Variants in CFAP61 observed in about 807,000 individuals in gnomAD.
The protein encoded by CFAP61 is cilia- and flagella-associated protein 61.
A neutral mutation model predicts 135.6 loss-of-function variants in CFAP61; 107 were observed. The observed-to-expected ratio is 0.79, with a 90% CI of 0.67 to 0.93. The LOEUF (loss-of-function observed/expected upper bound fraction) is 0.93. Ranked by LOEUF, CFAP61 falls within the 40% of genes least tolerant of loss-of-function variation. The probability of loss-of-function intolerance (pLI) is 0.00; values close to 1 mark genes in which losing one functional copy is unlikely to be tolerated. For synonymous variants in CFAP61, 575 were observed against 578.5 expected, an observed-to-expected ratio of 0.99 and a Z score of 0.09; for missense variants, 1,507 against 1,556.2, an observed-to-expected ratio of 0.97 and a Z score of 0.53.
At chr20:20,139,793 T>C (rs1488020230) in intron 8 of CFAP61, among the ~76,000 whole-genome samples, 1 of 152,182 alleles carries the variant, frequency 6.6e-6, no homozygotes, top group African/African-American at 2.4e-5. Flanking sequence ...ATTAGACCAT[T>C]GACAGTTAAG....
intron 13 of CFAP61, among the ~76,000 whole-genome samples, chr20:20,186,668 T>G (rs2055524719): frequency 6.6e-6 from 1 of 152,220 alleles, no homozygotes; most frequent in Non-Finnish European, 1.5e-5. Flanking sequence ...AAGATGGTAT[T>G]AATTGTTCAT....
At chr20:20,198,106 G>A (rs1037700350) in intron 16 of CFAP61, among the ~76,000 whole-genome samples, 2 of 152,208 alleles carry the variant, frequency 1.3e-5, no homozygotes, top group African/African-American at 4.8e-5. Context: ...TGAGTGAGAT[G>A]TAGACTCTGC....
chr20:20,316,446 C>A (rs1443874786), intron 25 of CFAP61, among the ~76,000 whole-genome samples: 2 of 151,940 alleles, frequency 1.3e-5, no homozygotes, highest in Admixed American at 6.6e-5. Flanking sequence ...TGGGCTGAGA[C>A]AATGGGGTTT....
At chr20:20,257,396 C>T (rs1325115471) in intron 20 of CFAP61, among the ~76,000 whole-genome samples, 3 of 152,126 alleles carry the variant, frequency 2.0e-5, no homozygotes, top group African/African-American at 7.2e-5. Context: ...AGGTGGATCA[C>T]TTGAGGTCAG....
intron 8 of CFAP61, among the ~76,000 whole-genome samples, chr20:20,142,113 A>G (rs1003074773): frequency 2.6e-5 from 4 of 152,188 alleles, no homozygotes; most frequent in African/African-American, 9.6e-5. Flanking sequence ...TGGAGAGATT[A>G]CAAAAGAGAA....
At chr20:20,159,261 A>T in intron 9 of CFAP61, 109 bp from the exon 10 acceptor site, 1 of 940,212 alleles carries the variant, frequency 1.1e-6, no homozygotes, top group Non-Finnish European at 1.7e-6. Flanking sequence ...CCACAAGGCC[A>T]GTAAGCTGTA....
At chr20:20,319,525 C>G (rs540042851) in intron 25 of CFAP61, among the ~76,000 whole-genome samples, 1 of 152,148 alleles carries the variant, frequency 6.6e-6, no homozygotes, top group Non-Finnish European at 1.5e-5. Context: ...TTTAAAAGTG[C>G]GTAGCACCTC....
At chr20:20,360,150 C>G (rs574944504) in intron 26 of CFAP61, 60 bp from the exon 27 acceptor site, 1 of 1,241,834 alleles carries the variant, frequency 8.1e-7, no homozygotes, top group Non-Finnish European at 1.2e-6. Context: ...ATGAAACTGC[C>G]GTTACAACTG....
chr20:20,342,943 C>A (rs1454295164), intron 26 of CFAP61, among the ~76,000 whole-genome samples: 1 of 152,044 alleles, frequency 6.6e-6, no homozygotes, highest in Non-Finnish European at 1.5e-5. Flanking sequence ...TCACTCCAAC[C>A]TCTGCCTCTC....
chr20:20,230,742 G>C (rs2049071475), intron 18 of CFAP61, among the ~76,000 whole-genome samples: 1 of 152,162 alleles, frequency 6.6e-6, no homozygotes, highest in Admixed American at 6.5e-5. Context: ...TTTCAGTAGA[G>C]ATTGGGTTTC....
intron 20 of CFAP61, among the ~76,000 whole-genome samples, chr20:20,257,620 C>CAAAAAAAAAA (rs147860452): frequency 1.7e-5 from 1 of 58,178 alleles, no homozygotes; most frequent in Non-Finnish European, 3.5e-5. Context: ...TCAAAAAAAA[C>CAAAAAAAAAA]AAAAAAACAA....
intron 9 of CFAP61, among the ~76,000 whole-genome samples, chr20:20,154,287 A>G (rs1326438084): frequency 6.6e-6 from 1 of 152,146 alleles, no homozygotes; most frequent in Non-Finnish European, 1.5e-5. Context: ...TCCCCCTGAG[A>G]ACTGGAACAA....
At chr20:20,159,844 A>G (rs6081900) in intron 10 of CFAP61, among the ~76,000 whole-genome samples, 137,332 of 152,294 alleles carry the variant, frequency 0.9, 62,742 homozygotes, top group Middle Eastern at 0.99. Flanking sequence ...TGTTATTAAT[A>G]TATGTCATTT....
intron 8 of CFAP61, among the ~76,000 whole-genome samples, chr20:20,118,358 T>G (rs2049341488): frequency 1.4e-5 from 2 of 146,020 alleles, no homozygotes; most frequent in African/African-American, 2.5e-5. Context: ...TTTTTTTTTT[T>G]AAACAGGGTT....
chr20:20,203,296 T>C (rs1222624044), intron 17 of CFAP61, among the ~76,000 whole-genome samples: 1 of 152,188 alleles, frequency 6.6e-6, no homozygotes, highest in African/African-American at 2.4e-5. Flanking sequence ...AGAGGGCTTT[T>C]TCCTGACCAA....
At chr20:20,110,868 C>G (rs1188155245) in intron 8 of CFAP61, among the ~76,000 whole-genome samples, 3 of 152,136 alleles carry the variant, frequency 2.0e-5, no homozygotes, top group Non-Finnish European at 1.5e-5. Flanking sequence ...TTCTTAAGAC[C>G]TTGGAGGGAA....
chr20:20,140,628 A>G (rs2051311782), intron 8 of CFAP61, among the ~76,000 whole-genome samples: 1 of 152,176 alleles, frequency 6.6e-6, no homozygotes, highest in Admixed American at 6.5e-5. Context: ...ACTATAAACT[A>G]GTTCAACCAT....
intron 13 of CFAP61, among the ~76,000 whole-genome samples, chr20:20,174,863 T>C (rs1214246542): frequency 6.6e-6 from 1 of 152,188 alleles, no homozygotes; most frequent in Non-Finnish European, 1.5e-5. Flanking sequence ...TAAAGAAGAC[T>C]CCATCACCTT....
chr20:20,121,606 T>C (rs2049637634), intron 8 of CFAP61, among the ~76,000 whole-genome samples: 1 of 152,174 alleles, frequency 6.6e-6, no homozygotes, highest in Non-Finnish European at 1.5e-5. Context: ...GTGATTCTCG[T>C]GCCTCGGCCT....
Sources: gnomAD v4.1 joint callset for allele counts (sites outside exome capture counted in the v4.1 genomes callset) on GRCh38, gnomAD v4.1.1 for gene constraint, MANE v1.5 for transcripts, NCBI Gene and HGNC (gene_info 2026-07-23, HGNC 2026-07-21) for gene names.